Variants in TAS2R1 observed in about 807,000 individuals in gnomAD.
TAS2R1 encodes taste receptor type 2 member 1.
For synonymous variants in TAS2R1, 141 were observed against 134.2 expected (o/e 1.05, Z -0.35); for missense variants, 370 against 353.4 (o/e 1.05, Z -0.38).
chr5:9,649,670 A>T (rs1740264083), intron 2 of TAS2R1, among the ~76,000 whole-genome samples: 1 of 152,200 alleles, frequency 6.6e-6, no homozygotes, highest in South Asian at 2.1e-4. Flanking sequence ...ATTGTTCTGG[A>T]CCATGCAAAA....
At chr5:9,848,495 C>T in the TAS2R1 span, among the ~76,000 whole-genome samples, 135 of 152,036 alleles carry the variant, frequency 8.9e-4, 1 homozygote, top group Middle Eastern at 0.014. Flanking sequence ...AGGTTTGACA[C>T]GATGAATAAG....
At chr5:9,755,001 T>C in the TAS2R1 span, among the ~76,000 whole-genome samples, 2 of 152,314 alleles carry the variant, frequency 1.3e-5, no homozygotes, top group Middle Eastern at 3.4e-3. Flanking sequence ...TTGTCTAACA[T>C]AGATAGTCTT....
At chr5:9,664,902 A>C (rs1322513888) in intron 1 of TAS2R1, among the ~76,000 whole-genome samples, 2 of 152,234 alleles carry the variant, frequency 1.3e-5, no homozygotes, top group Non-Finnish European at 2.9e-5. Flanking sequence ...TTTACAAATG[A>C]GGAAACAAAC....
chr5:9,804,221 T>A, the TAS2R1 span, among the ~76,000 whole-genome samples: 1 of 148,926 alleles, frequency 6.7e-6, no homozygotes, highest in Admixed American at 6.6e-5. Context: ...CACCTAACAC[T>A]GGAGCTCCCA....
At chr5:9,842,785 C>T in the TAS2R1 span, among the ~76,000 whole-genome samples, 4 of 151,852 alleles carry the variant, frequency 2.6e-5, no homozygotes, top group East Asian at 1.9e-4. Context: ...TTACTAGGGC[C>T]TCTCCTGCTT....
At chr5:9,889,728 G>C in the TAS2R1 span, 1 of 152,222 alleles carries the variant, frequency 6.6e-6, no homozygotes, top group Non-Finnish European at 1.5e-5. Context: ...TCACAGGACT[G>C]GGTCAGAAGG....
intron 2 of TAS2R1, among the ~76,000 whole-genome samples, chr5:9,635,511 A>T (rs925487725): frequency 1.3e-5 from 2 of 151,948 alleles, no homozygotes; most frequent in African/African-American, 4.8e-5. Context: ...GAATAGTTTT[A>T]GTTAAGATTG....
At chr5:9,756,402 G>A in the TAS2R1 span, among the ~76,000 whole-genome samples, 1 of 152,166 alleles carries the variant, frequency 6.6e-6, no homozygotes, top group African/African-American at 2.4e-5. Context: ...TTTGATCAAT[G>A]TCTCCCAAGA....
the TAS2R1 span, among the ~76,000 whole-genome samples, chr5:9,733,691 C>T: frequency 6.6e-6 from 1 of 152,122 alleles, no homozygotes. Flanking sequence ...ATAAATCTCA[C>T]ACAGAGGATG....
the TAS2R1 span, among the ~76,000 whole-genome samples, chr5:9,749,008 T>A: frequency 6.6e-6 from 1 of 152,156 alleles, no homozygotes; most frequent in South Asian, 2.1e-4. Context: ...ATTATGAAAA[T>A]AAACTGAAGG....
At chr5:9,782,202 T>C in the TAS2R1 span, among the ~76,000 whole-genome samples, 1 of 152,190 alleles carries the variant, frequency 6.6e-6, no homozygotes, top group Non-Finnish European at 1.5e-5. Flanking sequence ...CAAATACTTG[T>C]TGGGGACTTC....
At chr5:9,707,939 T>G (rs1023953765) in intron 1 of TAS2R1, among the ~76,000 whole-genome samples, 2 of 152,082 alleles carry the variant, frequency 1.3e-5, no homozygotes, top group Non-Finnish European at 2.9e-5. Context: ...GCCTGGAGCT[T>G]CTTCTCACCA....
intron 1 of TAS2R1, among the ~76,000 whole-genome samples, chr5:9,697,169 T>G (rs574925856): frequency 1.1e-4 from 17 of 152,022 alleles, no homozygotes; most frequent in African/African-American, 4.1e-4. Context: ...GAAAGACACC[T>G]TTTTTGTTTA....
intron 2 of TAS2R1, among the ~76,000 whole-genome samples, chr5:9,650,414 T>C (rs1740280673): frequency 6.6e-6 from 1 of 152,094 alleles, no homozygotes; most frequent in Non-Finnish European, 1.5e-5. Context: ...CTCCCGGCTA[T>C]GTAGGACGGA....
chr5:9,891,684 C>A, the TAS2R1 span, among the ~76,000 whole-genome samples: 2 of 152,270 alleles, frequency 1.3e-5, no homozygotes, highest in East Asian at 3.9e-4. Context: ...TTCCTCTGCC[C>A]ATATAACATG....
the TAS2R1 span, among the ~76,000 whole-genome samples, chr5:9,857,440 G>A: frequency 6.6e-6 from 1 of 152,128 alleles, no homozygotes. Context: ...TGGTATATAT[G>A]GAGCATCAGG....
chr5:9,797,286 G>A, the TAS2R1 span, among the ~76,000 whole-genome samples: 50 of 152,280 alleles, frequency 3.3e-4, no homozygotes, highest in South Asian at 1.5e-3. Context: ...TACTGCTGAC[G>A]TACCCTACAA....
Position 9,678,425 on chromosome 5 carries a change from T to C in TAS2R1, c.-241-18844A>G, listed in dbSNP as rs1423696045. Among the ~76,000 whole-genome samples, 3 of 152,268 alleles carry C rather than the reference T, an allele frequency of 2.0e-5. No individual in the cohort carries two copies. The East Asian group carries it at 5.8e-4, about 29-fold the overall frequency. On this transcript the variant is annotated intron_variant, in intron 1 of 2. Coordinates refer to the TAS2R1 transcript ENST00000506620. Reference sequence around the variant, plus strand: ...ATACCATTTGACCCAGCAATCCTATTACTGGGTATATACCCAAAGGAATAT... The same window carrying C: ...ATACCATTTGACCCAGCAATCCTATCACTGGGTATATACCCAAAGGAATAT...
chr5:9,654,991 A>G (rs1740380687), intron 2 of TAS2R1, among the ~76,000 whole-genome samples: 1 of 152,214 alleles, frequency 6.6e-6, no homozygotes, highest in Non-Finnish European at 1.5e-5. Flanking sequence ...AGCCCAAAAT[A>G]TGTAACAACA....
Sources: allele counts gnomAD v4.1 joint callset (sites outside exome capture counted in the v4.1 genomes callset), GRCh38; gene constraint gnomAD v4.1.1; transcripts MANE v1.5; gene names NCBI Gene and HGNC (gene_info 2026-07-23, HGNC 2026-07-21).